FAM219A: variants seen among roughly 807,000 people sequenced by gnomAD.
FAM219A encodes protein FAM219A.
FAM219A carries 7 observed loss-of-function variants against 23.4 expected under a neutral mutation model. The ratio of observed to expected loss-of-function variants is 0.30; its 90% confidence interval spans 0.17 to 0.56. FAM219A has a LOEUF of 0.56. Ranked by LOEUF, FAM219A falls within the 20% of genes least tolerant of loss-of-function variation. The probability of loss-of-function intolerance (pLI) is 0.92; values close to 1 mark genes in which losing one functional copy is unlikely to be tolerated. For missense variants in FAM219A, 166 were observed against 246.9 expected (o/e 0.67, Z 2.20); for synonymous variants, 93 against 99.0 (o/e 0.94, Z 0.36).
intron 1 of FAM219A, among the ~76,000 whole-genome samples, chr9:34,433,169 T>C (rs1012395224): frequency 6.6e-6 from 1 of 152,256 alleles, no homozygotes. Flanking sequence ...GATTAATGTA[T>C]ACTTATTTTG....
In FAM219A at chr9:34,402,711, C is replaced by T. The variant is rs777204338; in HGVS notation, c.257G>A (p.Arg86Gln). The stretch of plus-strand genomic sequence containing the variant: ...GGGTAGGGAGGGCCTCTACCTTGTT[C>T]GGGCCATGACATTGTTCTTCTTGGG... ...QQPKKNNVMARTRLVVPNKGY... is the reference protein window; with the variant it reads ...QQPKKNNVMAQTRLVVPNKGY... Residue 86 changes from arginine to glutamine, a missense_variant, in exon 3 of 6, where the codon CGA (arginine) becomes CAA (glutamine). Physicochemically the swap from Arg to Gln is conservative, Grantham distance 43. Coordinates refer to ENST00000651358, the MANE Select transcript of FAM219A (RefSeq NM_001184940.2). The T allele has an allele frequency of 1.9e-6, 3 of 1,614,030 alleles. No homozygotes were observed. Among genetic ancestry groups the T allele is most frequent in the Admixed American group, 3.3e-5 (2 of 59,988 alleles).
Position 34,401,972 on chromosome 9 carries a change from C to CT in FAM219A, c.345-253dup, listed in dbSNP as rs34584165. Among the ~76,000 whole-genome samples the CT allele has an allele frequency of 9.9e-3, 1,385 of 140,442 alleles. 23 individuals are homozygous for CT. The highest frequency in any genetic ancestry group is 0.026 in the African/African-American group (1,000 of 38,456). The allele number at this position is 140,442 out of a possible 152,430, so 92.1% of individuals were successfully genotyped here. ...GTTACTCCTTTCACCCCCTTCTCAT[C>CT]TTTTTTTTTTTTTTTGTAGACTCAA... is the stretch of plus-strand genomic sequence containing the variant. On this transcript the variant is annotated intron_variant, in intron 4 of 5. Transcript: ENST00000651358.
chr9:34,445,623 G>A, intron 1 of FAM219A, among the ~76,000 whole-genome samples: 1 of 152,186 alleles, frequency 6.6e-6, no homozygotes, highest in East Asian at 1.9e-4. Context: ...CCAGCTTTGA[G>A]GGGTAAAAGC....
intron 1 of FAM219A, among the ~76,000 whole-genome samples, chr9:34,442,833 G>T (rs911688513): frequency 6.6e-6 from 1 of 152,096 alleles, no homozygotes; most frequent in Non-Finnish European, 1.5e-5. Context: ...GTAATGGTGT[G>T]ATAATGGTAG....
At chr9:34,441,724 G>A (rs1198590825) in intron 1 of FAM219A, among the ~76,000 whole-genome samples, 1 of 152,010 alleles carries the variant, frequency 6.6e-6, no homozygotes, top group Non-Finnish European at 1.5e-5. Flanking sequence ...GGCTGAAGGG[G>A]GCTTTTATTT....
chr9:34,437,743 TGA>T (rs1223637718), intron 1 of FAM219A, among the ~76,000 whole-genome samples: 2 of 152,246 alleles, frequency 1.3e-5, no homozygotes, highest in Admixed American at 1.3e-4. Flanking sequence ...TAAGTGCTTC[TGA>T]GAGGTGACAG....
chr9:34,422,832 G>T (rs558333386), intron 1 of FAM219A, among the ~76,000 whole-genome samples: 2 of 152,268 alleles, frequency 1.3e-5, no homozygotes, highest in East Asian at 3.9e-4. Context: ...CATTTTAAGG[G>T]CATCTATATT....
intron 1 of FAM219A, among the ~76,000 whole-genome samples, chr9:34,449,934 C>T (rs1198955990): frequency 6.6e-6 from 1 of 152,176 alleles, no homozygotes; most frequent in African/African-American, 2.4e-5. Flanking sequence ...TAACAGAATA[C>T]TATAGGAAAT....
At chr9:34,434,265 C>T (rs1822826056) in intron 1 of FAM219A, among the ~76,000 whole-genome samples, 2 of 150,018 alleles carry the variant, frequency 1.3e-5, no homozygotes, top group African/African-American at 4.9e-5. Flanking sequence ...AGTATCTCTC[C>T]AATCTTCCTA....
intron 1 of FAM219A, among the ~76,000 whole-genome samples, chr9:34,425,115 T>TTTA (rs1197592188): frequency 6.6e-6 from 1 of 152,074 alleles, no homozygotes; most frequent in African/African-American, 2.4e-5. Context: ...CTTTCTCACT[T>TTTA]TTATTATTAT....
Position 34,402,783 on chromosome 9 carries a change from T to C in FAM219A, c.185A>G (p.Lys62Arg). Residue 62 changes from lysine to arginine, a missense_variant, in exon 3 of 6, where the codon AAG becomes AGG. Coordinates refer to ENST00000651358, the MANE Select transcript of FAM219A (RefSeq NM_001184940.2). The part of the protein sequence containing the change: ...KLEKQRELAR[K>R]GSLKNGSMGS... Reference sequence around the variant, plus strand: ...CATGCTGCCATTCTTCAGGGAGCCCTTCCGGGCCAGCTCCCGCTGCTTCTC... The same window carrying C: ...CATGCTGCCATTCTTCAGGGAGCCCCTCCGGGCCAGCTCCCGCTGCTTCTC... The C allele has an allele frequency of 6.2e-7, 1 of 1,614,182 alleles. No homozygotes were observed. Among genetic ancestry groups the C allele is most frequent in the Non-Finnish European group, 8.5e-7 (1 of 1,180,008 alleles).
intron 2 of FAM219A, among the ~76,000 whole-genome samples, 191 bp downstream of exon 2, chr9:34,405,674 G>T (rs1821606699): frequency 6.6e-6 from 1 of 152,164 alleles, no homozygotes; most frequent in African/African-American, 2.4e-5. Context: ...AGAGTTTCAG[G>T]CTCCTGCAGA....
intron 1 of FAM219A, among the ~76,000 whole-genome samples, chr9:34,430,527 C>G (rs1452656939): frequency 6.7e-6 from 1 of 150,120 alleles, no homozygotes; most frequent in Non-Finnish European, 1.5e-5. Context: ...GTCCCAGCTA[C>G]TCAGGAGGCT....
chr9:34,431,589 A>T (rs903519840), intron 1 of FAM219A, among the ~76,000 whole-genome samples: 2 of 152,172 alleles, frequency 1.3e-5, no homozygotes, highest in East Asian at 3.9e-4. Flanking sequence ...ATCCAAGAGG[A>T]GAGAGCTGGG....
At position 34,398,207 on chromosome 9, in the gene FAM219A, T is replaced by G. The variant is rs1821282875; in HGVS notation, c.*2757A>C. 3 of 1,493,920 alleles carry G rather than the reference T, an allele frequency of 2.0e-6. No homozygotes were observed. Among genetic ancestry groups the G allele is most frequent in the Non-Finnish European group, 2.7e-6 (3 of 1,096,548 alleles). 92.5% of individuals were successfully genotyped at this position (1,493,920 alleles called of 1,614,324 possible). On this transcript the variant is annotated 3_prime_UTR_variant, in exon 6 of 6. Coordinates refer to ENST00000651358, the MANE Select transcript of FAM219A (RefSeq NM_001184940.2). The stretch of plus-strand genomic sequence containing the variant: ...GCTGGCTTGTTTGATGCTTTTAATA[T>G]CATTATTTGTGTTACACGATACACA...
chr9:34,424,781 A>G (rs1372092223), intron 1 of FAM219A, among the ~76,000 whole-genome samples: 1 of 152,140 alleles, frequency 6.6e-6, no homozygotes, highest in Admixed American at 6.6e-5. Flanking sequence ...CATGGAACCT[A>G]TACTCTGTTA....
intron 1 of FAM219A, among the ~76,000 whole-genome samples, chr9:34,456,938 A>G (rs1823753672): frequency 1.3e-5 from 2 of 152,180 alleles, no homozygotes; most frequent in African/African-American, 4.8e-5. Flanking sequence ...GCCGAGGCCC[A>G]TCTTGGCTGC....
chr9:34,440,742 C>T (rs927136240), intron 1 of FAM219A, among the ~76,000 whole-genome samples: 2 of 150,670 alleles, frequency 1.3e-5, no homozygotes, highest in South Asian at 2.1e-4. Context: ...CCCAGCTACT[C>T]GGGAGGCTGA....
intron 1 of FAM219A, among the ~76,000 whole-genome samples, chr9:34,419,999 C>G (rs978533019): frequency 2.6e-5 from 4 of 152,190 alleles, no homozygotes; most frequent in African/African-American, 9.7e-5. Flanking sequence ...CTACTCTTTG[C>G]CCACAAAGAT....
Sources: allele counts gnomAD v4.1 joint callset (sites outside exome capture counted in the v4.1 genomes callset), GRCh38; gene constraint gnomAD v4.1.1; transcripts MANE v1.5; gene names NCBI Gene and HGNC (gene_info 2026-07-23, HGNC 2026-07-21).